Variants in KIF1B observed in about 807,000 individuals in gnomAD.
KIF1B encodes the protein kinesin-like protein KIF1B.
A neutral mutation model predicts 241.9 loss-of-function variants in KIF1B; 76 were observed. The ratio of observed to expected loss-of-function variants is 0.31; its 90% CI spans 0.26 to 0.38. KIF1B has a LOEUF of 0.38. KIF1B is among the 10% of genes least tolerant of loss of function. The probability of loss-of-function intolerance (pLI) is 1.00; values close to 1 mark genes in which losing one functional copy is unlikely to be tolerated. For missense variants in KIF1B, 1,622 were observed against 2,271.4 expected, an observed-to-expected ratio of 0.71 and a Z score of 5.81; for synonymous variants, 750 against 796.7, an observed-to-expected ratio of 0.94 and a Z score of 0.99.
intron 37 of KIF1B, among the ~76,000 whole-genome samples, chr1:10,350,647 A>T (rs145831048): frequency 6.6e-6 from 1 of 152,232 alleles, no homozygotes; most frequent in Non-Finnish European, 1.5e-5. Context: ...GTACTGGCCA[A>T]TTCTTCTGTG....
intron 27 of KIF1B, among the ~76,000 whole-genome samples, chr1:10,329,419 C>T (rs531915249): frequency 1.8e-3 from 280 of 152,248 alleles, no homozygotes; most frequent in Middle Eastern, 3.4e-3. Context: ...CATATAATTG[C>T]CAATATAAAT....
intron 5 of KIF1B, among the ~76,000 whole-genome samples, chr1:10,266,098 T>C (rs1436495939): frequency 6.6e-6 from 1 of 152,158 alleles, no homozygotes; most frequent in African/African-American, 2.4e-5. Flanking sequence ...CAGAGCCTTG[T>C]TTGCTTAGAA....
intron 17 of KIF1B, among the ~76,000 whole-genome samples, chr1:10,294,604 A>ACTC (rs1398058455): frequency 6.6e-6 from 1 of 152,112 alleles, no homozygotes; most frequent in Non-Finnish European, 1.5e-5. Flanking sequence ...ACAGTGGCTC[A>ACTC]CTCCTATAGT....
intron 22 of KIF1B, among the ~76,000 whole-genome samples, chr1:10,315,601 G>C (rs1234721174): frequency 6.6e-6 from 1 of 151,524 alleles, no homozygotes; most frequent in Non-Finnish European, 1.5e-5. Flanking sequence ...TTAGGAAAGA[G>C]AGTGTTTTAA....
At chr1:10,271,469 T>A in intron 7 of KIF1B, 33 bp from the exon 8 acceptor site, 1 of 1,488,420 alleles carries the variant, frequency 6.7e-7, no homozygotes, top group Non-Finnish European at 9.4e-7. Context: ...TTGCTTATTT[T>A]TGAATTGCCC....
At chr1:10,244,707 G>A (rs1322956185) in intron 2 of KIF1B, among the ~76,000 whole-genome samples, 3 of 151,642 alleles carry the variant, frequency 2.0e-5, no homozygotes, top group African/African-American at 7.3e-5. Context: ...CCGCCTCCCG[G>A]GTTCACGCCA....
chr1:10,212,892 A>ATGCGTGTGTG (rs1557638311), intron 1 of KIF1B, among the ~76,000 whole-genome samples: 1 of 45,460 alleles, frequency 2.2e-5, no homozygotes, highest in Non-Finnish European at 4.8e-5. Context: ...GCGTGTGTGT[A>ATGCGTGTGTG]TATATATATA....
At chr1:10,311,587 A>C (rs115485726) in intron 22 of KIF1B, among the ~76,000 whole-genome samples, 4,078 of 151,122 alleles carry the variant, frequency 0.027, 361 homozygotes, top group African/African-American at 0.094. Flanking sequence ...TTCTCCCCTC[A>C]CCACCAAAGC....
chr1:10,235,975 A>C (rs907295304), intron 2 of KIF1B, among the ~76,000 whole-genome samples: 1 of 151,516 alleles, frequency 6.6e-6, no homozygotes. Flanking sequence ...TTTAAACTAA[A>C]CATATAGTAT....
intron 2 of KIF1B, among the ~76,000 whole-genome samples, chr1:10,253,644 G>GA (rs545595825): frequency 9.2e-4 from 139 of 151,588 alleles, no homozygotes; most frequent in South Asian, 3.3e-3. Flanking sequence ...TCCTGTCTCA[G>GA]GAAAAAAAAA....
intron 2 of KIF1B, among the ~76,000 whole-genome samples, chr1:10,253,473 CT>C (rs1465060634): frequency 6.6e-6 from 1 of 151,944 alleles, no homozygotes; most frequent in Non-Finnish European, 1.5e-5. Flanking sequence ...AGACTCCCAT[CT>C]CTACAAAAAA....
chr1:10,305,744 G>T (rs1569781770), intron 22 of KIF1B: 1 of 1,056,524 alleles, frequency 9.5e-7, no homozygotes, highest in Non-Finnish European at 1.1e-6. Context: ...CATTTTATTT[G>T]GTTGTGGTCT....
chr1:10,362,743 A>G (rs926771409), intron 40 of KIF1B, among the ~76,000 whole-genome samples: 2 of 152,230 alleles, frequency 1.3e-5, no homozygotes, highest in African/African-American at 4.8e-5. Flanking sequence ...TTATCATTCA[A>G]TTTTATTCAC....
intron 5 of KIF1B, 22 bp from the exon 6 acceptor site, chr1:10,267,358 C>G: frequency 1.2e-6 from 2 of 1,610,222 alleles, no homozygotes; most frequent in Non-Finnish European, 1.7e-6. Context: ...CACTCTAATT[C>G]ACTTTACTAA....
At chr1:10,354,038 T>C (rs1456803342) in intron 38 of KIF1B, among the ~76,000 whole-genome samples, 1 of 152,172 alleles carries the variant, frequency 6.6e-6, no homozygotes, top group African/African-American at 2.4e-5. Context: ...TTGGTTGAAA[T>C]ACTGGTTATT....
At chr1:10,355,297 T>A (rs905328664) in intron 38 of KIF1B, 1 of 152,566 alleles carries the variant, frequency 6.6e-6, no homozygotes, top group African/African-American at 2.4e-5. Flanking sequence ...ATATATATAT[T>A]TTTTCTGATT....
chr1:10,298,235 G>T (rs372641949), intron 22 of KIF1B, among the ~76,000 whole-genome samples: 1 of 152,186 alleles, frequency 6.6e-6, no homozygotes, highest in Admixed American at 6.5e-5. Flanking sequence ...TAGGGAGAAA[G>T]TTCAAGCACT....
rs1638910799 is a variant in KIF1B, at chr1:10,377,055, T to C, written c.*468T>C. 1 of 253,166 alleles carries C rather than the reference T, an allele frequency of 3.9e-6. No homozygotes were observed. The highest frequency in any genetic ancestry group is 7.8e-6 in the Non-Finnish European group (1 of 127,838). The allele number at this position is 253,166 out of a possible 1,614,324, so 15.7% of individuals were successfully genotyped here. A position where few individuals can be genotyped will look rare whatever the true frequency, so the allele number is the denominator to read the frequency against. ...TTTTTTCTTTTCTCTGTTTGTGATA[T>C]CACTTTAATTTTTCTTGGGTGGCTT... On this transcript the variant is annotated 3_prime_UTR_variant, in exon 49 of 49. Transcript: ENST00000676179.
chr1:10,221,975 C>CTGTTTTGTGTG (rs1646851358), intron 1 of KIF1B, among the ~76,000 whole-genome samples: 1 of 152,102 alleles, frequency 6.6e-6, no homozygotes, highest in Admixed American at 6.6e-5. Context: ...GCCACCATGC[C>CTGTTTTGTGTG]TGGCTAATTC....
Sources: gnomAD v4.1 joint callset for allele counts (sites outside exome capture counted in the v4.1 genomes callset) on GRCh38, gnomAD v4.1.1 for gene constraint, MANE v1.5 for transcripts, NCBI Gene and HGNC (gene_info 2026-07-23, HGNC 2026-07-21) for gene names.